Variants in SHOC2 observed in about 807,000 individuals in gnomAD.
SHOC2 encodes the protein SHOC2 leucine rich repeat scaffold protein.
A neutral mutation model predicts 50.2 loss-of-function variants in SHOC2; 4 were observed. That is an observed-to-expected ratio of 0.08 (90% CI 0.04 to 0.18). SHOC2 has a LOEUF of 0.18. Among genes scored for constraint, SHOC2 ranks in the 10% least tolerant of loss-of-function variants. The pLI is 1.00. For missense variants in SHOC2, 388 were observed against 669.6 expected (o/e 0.58, Z 4.64); for synonymous variants, 218 against 244.5 (o/e 0.89, Z 1.01).
chr10:110,984,920 T>C (rs1590819321), intron 2 of SHOC2, among the ~76,000 whole-genome samples: 1 of 152,220 alleles, frequency 6.6e-6, no homozygotes, highest in East Asian at 1.9e-4. Flanking sequence ...TTGAACACCT[T>C]CCAAAGGAGA....
At chr10:110,930,472 A>G (rs541966888) in intron 1 of SHOC2, among the ~76,000 whole-genome samples, 2 of 152,284 alleles carry the variant, frequency 1.3e-5, no homozygotes, top group Non-Finnish European at 2.9e-5. Flanking sequence ...GTTAAATTTA[A>G]TTAACAGTTT....
intron 1 of SHOC2, among the ~76,000 whole-genome samples, chr10:110,943,825 A>T (rs1224304520): frequency 3.3e-5 from 5 of 152,246 alleles, no homozygotes; most frequent in Admixed American, 1.3e-4. Flanking sequence ...GGAATTAAGC[A>T]TTCTGGTCAC....
rs1485743243 is a variant in SHOC2 at position 110,964,543 on chromosome 10, C to T, written c.185C>T (p.Pro62Leu). 1 of 1,614,026 alleles carries T rather than the reference C, an allele frequency of 6.2e-7. No homozygotes were observed. The highest frequency in any genetic ancestry group is 1.7e-5 in the Admixed American group (1 of 60,008). ...AAGAAGGACTCCAGTGCTGCCCAAC[C>T]AGGGGTGGCATTTTCAGTTGACAAT... ...DGKKDSSAAQ[P>L]GVAFSVDNTI... Residue 62 changes from proline (P) to leucine (L), a missense_variant, in exon 2 of 9, where the codon CCA (proline) becomes CTA (leucine). Coordinates refer to ENST00000369452, the MANE Select transcript of SHOC2 (RefSeq NM_007373.4). The surrounding 1 kb of genome is among the most constrained non-coding windows in gnomAD (Gnocchi z 4.9).
At chr10:110,978,340 G>T (rs1847913369) in intron 2 of SHOC2, among the ~76,000 whole-genome samples, 1 of 152,180 alleles carries the variant, frequency 6.6e-6, no homozygotes, top group South Asian at 2.1e-4. Flanking sequence ...AACTCCTGTG[G>T]ATTCCATTAT....
At chr10:110,968,140 C>T (rs749186351) in intron 2 of SHOC2, among the ~76,000 whole-genome samples, 5 of 152,120 alleles carry the variant, frequency 3.3e-5, no homozygotes, top group Non-Finnish European at 7.4e-5. Flanking sequence ...TATTATCCGT[C>T]TTTTCTTATT....
intron 1 of SHOC2, among the ~76,000 whole-genome samples, chr10:110,951,960 A>G (rs939528923): frequency 2.6e-5 from 4 of 152,112 alleles, no homozygotes; most frequent in Non-Finnish European, 5.9e-5. Flanking sequence ...GCCTGGCCTA[A>G]TAATGTCTTT....
chr10:110,936,944 G>T (rs1156817383), intron 1 of SHOC2: 10 of 1,429,258 alleles, frequency 7.0e-6, no homozygotes, highest in Non-Finnish European at 8.9e-6. Flanking sequence ...GTCCAGAGCG[G>T]CCTGGCCTCG....
At chr10:110,947,828 G>A (rs1847277046) in intron 1 of SHOC2, among the ~76,000 whole-genome samples, 1 of 150,044 alleles carries the variant, frequency 6.7e-6, no homozygotes, top group Non-Finnish European at 1.5e-5. Flanking sequence ...AGAAATAGAG[G>A]AGCTACAAGA....
At chr10:110,979,548 A>C (rs1847935047) in intron 2 of SHOC2, among the ~76,000 whole-genome samples, 1 of 152,010 alleles carries the variant, frequency 6.6e-6, no homozygotes, top group African/African-American at 2.4e-5. Context: ...TCTAGTTTTA[A>C]CTTTGGTCTC....
At chr10:110,953,727 CGT>C (rs938506297) in intron 1 of SHOC2, among the ~76,000 whole-genome samples, 79 of 150,304 alleles carry the variant, frequency 5.3e-4, no homozygotes, top group Admixed American at 6.6e-5. Flanking sequence ...CACACACACA[CGT>C]GTATATATAT....
intron 6 of SHOC2, 131 bp downstream of exon 6, chr10:111,007,784 A>G: frequency 1.1e-6 from 1 of 889,614 alleles, no homozygotes; most frequent in South Asian, 1.4e-5. Context: ...TCACTTAAAC[A>G]TACAACCCTA....
chr10:111,005,369 A>C (rs1477011043), intron 5 of SHOC2, among the ~76,000 whole-genome samples: 1 of 152,216 alleles, frequency 6.6e-6, no homozygotes, highest in East Asian at 1.9e-4. Flanking sequence ...CCAACTTATT[A>C]ATAGAGATTT....
chr10:110,943,807 G>C (rs150585489), intron 1 of SHOC2, among the ~76,000 whole-genome samples: 5 of 152,360 alleles, frequency 3.3e-5, no homozygotes, highest in Non-Finnish European at 5.9e-5. Flanking sequence ...TCTTGAGGCA[G>C]TAGGAATGGA....
At chr10:110,985,597 T>G (rs772427849) in intron 2 of SHOC2, 31 bp from the exon 3 acceptor site, 1 of 1,540,292 alleles carries the variant, frequency 6.5e-7, no homozygotes, top group Non-Finnish European at 9.0e-7. Flanking sequence ...TTAATAATGC[T>G]TATTGAATTT....
rs202007232 is a variant in SHOC2 at position 110,964,571 on chromosome 10, G to A, written c.213G>A (p.Thr71=). The A allele has an allele frequency of 6.2e-6, 10 of 1,613,992 alleles. No individual in the cohort carries two copies. The highest frequency in any genetic ancestry group is 1.1e-5 in the South Asian group (1 of 91,074). Residue 71 remains threonine (T), a synonymous_variant, in exon 2 of 9, where the codon ACG becomes ACA. Coordinates refer to ENST00000369452, the MANE Select transcript of SHOC2 (RefSeq NM_007373.4). The surrounding 1 kb of genome is among the most constrained non-coding windows in gnomAD (Gnocchi z 4.9). ...GGGTGGCATTTTCAGTTGACAATAC[G>A]ATCAAACGGCCAAACCCAGCACCTG... The part of the protein sequence containing the change: ...QPGVAFSVDN[T]IKRPNPAPGT...
chr10:110,975,956 G>A (rs2134135832), intron 2 of SHOC2, among the ~76,000 whole-genome samples: 1 of 152,006 alleles, frequency 6.6e-6, no homozygotes, highest in Middle Eastern at 3.4e-3. Flanking sequence ...TGTTGCCAAG[G>A]CTGGAGTGCA....
At chr10:110,925,374 T>C (rs934666600) in intron 1 of SHOC2, among the ~76,000 whole-genome samples, 6 of 152,216 alleles carry the variant, frequency 3.9e-5, no homozygotes, top group African/African-American at 1.4e-4. Flanking sequence ...GAGAATTGAC[T>C]AATTTTTCAC....
chr10:110,999,611 C>A (rs1019805421), intron 3 of SHOC2, among the ~76,000 whole-genome samples: 1 of 151,602 alleles, frequency 6.6e-6, no homozygotes, highest in Non-Finnish European at 1.5e-5. Flanking sequence ...GTGGTGGGCA[C>A]CTGTAATCCC....
intron 1 of SHOC2, among the ~76,000 whole-genome samples, chr10:110,940,395 CATATT>C (rs1251460868): frequency 1.3e-5 from 2 of 152,080 alleles, no homozygotes; most frequent in African/African-American, 2.4e-5. Flanking sequence ...AGAAATGAAT[CATATT>C]AGGAAGAAGG....
Sources: allele counts gnomAD v4.1 joint callset (sites outside exome capture counted in the v4.1 genomes callset), GRCh38; gene constraint gnomAD v4.1.1; non-coding constraint Gnocchi (gnomAD v3.1); transcripts MANE v1.5; gene names NCBI Gene and HGNC (gene_info 2026-07-23, HGNC 2026-07-21).